The following IGF2R variants were observed in gnomAD, a reference collection of about 807,000 sequenced individuals.
IGF2R encodes cation-independent mannose-6-phosphate receptor.
IGF2R carries 91 observed loss-of-function variants against 270.6 expected under a neutral mutation model. The ratio of observed to expected loss-of-function variants is 0.34; its 90% CI spans 0.28 to 0.40. IGF2R has a LOEUF of 0.40. Ranked by LOEUF, IGF2R falls within the 10% of genes least tolerant of loss-of-function variation. The pLI is 1.00. For synonymous variants in IGF2R, 1,316 were observed against 1,258.9 expected (o/e 1.05, Z -0.96); for missense variants, 2,805 against 3,188.3 (o/e 0.88, Z 2.90).
chr6:160,078,542 G>T (rs776203017), intron 37 of IGF2R, among the ~76,000 whole-genome samples, 180 bp downstream of exon 37: 3 of 152,214 alleles, frequency 2.0e-5, no homozygotes, highest in African/African-American at 7.2e-5. Context: ...CTTGGATTGC[G>T]TGGCCAACTC....
At chr6:159,990,226 A>G (rs1351741564) in intron 1 of IGF2R, among the ~76,000 whole-genome samples, 2 of 152,164 alleles carry the variant, frequency 1.3e-5, no homozygotes, top group Non-Finnish European at 1.5e-5. Context: ...GCAATTACTG[A>G]TTAATATGAT....
At chr6:160,048,040 A>AT (rs1263301885) in intron 17 of IGF2R, 133 bp downstream of exon 17, 2 of 700,970 alleles carry the variant, frequency 2.9e-6, no homozygotes, top group Non-Finnish European at 5.1e-6. Context: ...AAGGTGGGGC[A>AT]TTTTCAGCAG....
intron 1 of IGF2R, among the ~76,000 whole-genome samples, chr6:159,975,733 G>A (rs1367813650): frequency 3.5e-5 from 5 of 143,892 alleles, no homozygotes; most frequent in African/African-American, 1.3e-4. Context: ...TATTATATAA[G>A]CATATTTATT....
intron 4 of IGF2R, among the ~76,000 whole-genome samples, chr6:160,024,060 G>T (rs1777497315): frequency 6.6e-6 from 1 of 152,200 alleles, no homozygotes; most frequent in African/African-American, 2.4e-5. Flanking sequence ...GCTAGGACAC[G>T]AGCACTGGAT....
At chr6:160,065,812 GTGTATATATATATATATATA>G (rs1778565337) in intron 29 of IGF2R, among the ~76,000 whole-genome samples, 2 of 69,364 alleles carry the variant, frequency 2.9e-5, no homozygotes, top group East Asian at 3.9e-4. Flanking sequence ...GTGTGTGTGT[GTGTATATATATATATATATA>G]TATATATATA....
At chr6:160,065,027 C>G in intron 29 of IGF2R, 126 bp downstream of exon 29, 1 of 669,634 alleles carries the variant, frequency 1.5e-6, no homozygotes, top group South Asian at 1.7e-5. Context: ...TCGGTTTGCT[C>G]ATATTAAAAT....
At chr6:159,989,391 C>T (rs1296841460) in intron 1 of IGF2R, among the ~76,000 whole-genome samples, 3 of 151,992 alleles carry the variant, frequency 2.0e-5, no homozygotes, top group Admixed American at 6.5e-5. Flanking sequence ...GGGAGGTGGA[C>T]GGCTCCTTCT....
chr6:159,980,959 G>A (rs534439878), intron 1 of IGF2R, among the ~76,000 whole-genome samples: 2 of 152,344 alleles, frequency 1.3e-5, no homozygotes, highest in South Asian at 2.1e-4. Context: ...AAATCATCAC[G>A]GAGCAGGGTT....
rs1320015519 is a variant in IGF2R, at chr6:160,012,778, TG to T, written c.513+1994del. ...ATATATATATATTTTTTTTTTTTTT[TG>T]TTTGTTTGTTTGTTTATTTGTTTGT... On this transcript the variant is annotated intron_variant, in intron 4 of 47. Transcript: ENST00000356956. Among the ~76,000 whole-genome samples, 67 of 139,900 alleles carry T rather than the reference TG, an allele frequency of 4.8e-4. 1 individual carries two copies. Among genetic ancestry groups the T allele is most frequent in the African/African-American group, 8.5e-4 (32 of 37,548 alleles). The allele number at this position is 139,900 out of a possible 152,430, so 91.8% of individuals were successfully genotyped here.
intron 46 of IGF2R, 66 bp from the exon 47 acceptor site, chr6:160,103,680 G>C: frequency 8.8e-7 from 1 of 1,132,422 alleles, no homozygotes. Context: ...TGGGGCTGGC[G>C]GGGGTGGGGC....
In IGF2R at chr6:160,024,672, C is replaced by T. The variant is rs778846648; in HGVS notation, c.614C>T (p.Thr205Ile). 9.3e-6 allele frequency: 15 copies of T among 1,614,042 alleles called. No individual in the cohort carries two copies. The Admixed American group carries it at 1.5e-4, about 16-fold the overall frequency. The stretch of plus-strand genomic sequence containing the variant: ...TTGGTGGATGACTCCGATCCGGACA[C>T]TTCTCTATTCATCAATGTTTGTAGA... ...AYLVDDSDPDTSLFINVCRDI... is the reference protein window; with the variant it reads ...AYLVDDSDPDISLFINVCRDI... Residue 205 changes from threonine to isoleucine, a missense_variant, in exon 5 of 48, where the codon ACT becomes ATT. This residue lies in a region of IGF2R where 954 missense variants were observed against 981.1 expected (regional missense o/e 0.97). Transcript: ENST00000356956.
chr6:160,028,410 A>T (rs1267318996), intron 6 of IGF2R, among the ~76,000 whole-genome samples: 1 of 152,252 alleles, frequency 6.6e-6, no homozygotes, highest in Non-Finnish European at 1.5e-5. Flanking sequence ...GGCCTTCAAC[A>T]TACAAATTTT....
intron 36 of IGF2R, 62 bp downstream of exon 36, chr6:160,076,058 A>G: frequency 1.6e-5 from 24 of 1,531,312 alleles, no homozygotes; most frequent in Non-Finnish European, 2.2e-5. Context: ...AAGGCTAGAC[A>G]ACCAGAAAGT....
intron 7 of IGF2R, among the ~76,000 whole-genome samples, chr6:160,030,809 A>G (rs1181825059): frequency 6.6e-6 from 1 of 150,428 alleles, no homozygotes; most frequent in Non-Finnish European, 1.5e-5. Context: ...TAGTGGAGCA[A>G]GAAGTTCCCT....
chr6:160,052,871 G>A (rs901009154), intron 19 of IGF2R, among the ~76,000 whole-genome samples: 17 of 152,170 alleles, frequency 1.1e-4, no homozygotes, highest in South Asian at 1.0e-3. Flanking sequence ...GGGAAAACTG[G>A]CTAGCCATAT....
At chr6:160,016,902 A>C (rs1357460488) in intron 4 of IGF2R, among the ~76,000 whole-genome samples, 1 of 152,214 alleles carries the variant, frequency 6.6e-6, no homozygotes, top group Non-Finnish European at 1.5e-5. Context: ...TCAAACCAAA[A>C]AGTGACAGTT....
chr6:159,969,448 C>A, intron 1 of IGF2R, 53 bp downstream of exon 1: 1 of 1,161,992 alleles, frequency 8.6e-7, no homozygotes, highest in East Asian at 3.7e-5. Flanking sequence ...GGGTGAGCGG[C>A]CGGCGTGGGG....
intron 44 of IGF2R, chr6:160,096,092 A>G (rs1444780520): frequency 5.6e-6 from 1 of 178,820 alleles, no homozygotes; most frequent in East Asian, 1.5e-4. Context: ...GCATATTTAA[A>G]GTTCCTAAAA....
chr6:159,980,776 T>C (rs1394807154), intron 1 of IGF2R, among the ~76,000 whole-genome samples: 1 of 151,724 alleles, frequency 6.6e-6, no homozygotes, highest in Admixed American at 6.6e-5. Context: ...ACAGGGAGAG[T>C]AGGGGGCTGA....
Sources: allele counts gnomAD v4.1 joint callset (sites outside exome capture counted in the v4.1 genomes callset), GRCh38; gene constraint gnomAD v4.1.1; regional missense constraint gnomAD v4.1.1; transcripts MANE v1.5; gene names NCBI Gene and HGNC (gene_info 2026-07-23, HGNC 2026-07-21).